The following HERC4 variants were observed in gnomAD, a reference collection of about 807,000 sequenced individuals.
HERC4 encodes the protein HECT and RLD domain containing E3 ubiquitin protein ligase 4.
In HERC4, 28 loss-of-function variants were observed where a neutral mutation model predicts 124.3. The observed-to-expected ratio is 0.23, with a 90% CI of 0.17 to 0.31. The LOEUF is 0.31. Ranked by LOEUF, HERC4 falls within the 10% of genes least tolerant of loss-of-function variation. The probability of loss-of-function intolerance (pLI) is 1.00; values close to 1 mark genes in which losing one functional copy is unlikely to be tolerated. For missense variants in HERC4, 713 were observed against 1,229.3 expected (o/e 0.58, Z 6.28); for synonymous variants, 407 against 421.5 (o/e 0.97, Z 0.42).
chr10:68,059,721 T>TATATCATA (rs1554830333), intron 3 of HERC4, among the ~76,000 whole-genome samples: 2 of 42,314 alleles, frequency 4.7e-5, no homozygotes, highest in African/African-American at 9.7e-4. Flanking sequence ...CATAATATTA[T>TATATCATA]ATATTATATA....
chr10:68,062,400 C>A (rs924012995), intron 3 of HERC4, among the ~76,000 whole-genome samples: 3 of 152,120 alleles, frequency 2.0e-5, no homozygotes, highest in Non-Finnish European at 4.4e-5. Context: ...GTTACCAAAG[C>A]CTGTCCATTC....
intron 15 of HERC4, among the ~76,000 whole-genome samples, chr10:67,975,255 G>C (rs529096764): frequency 3.3e-5 from 5 of 152,016 alleles, no homozygotes; most frequent in African/African-American, 1.2e-4. Flanking sequence ...CATTAAAGTG[G>C]ACTTCATGTA....
chr10:68,059,537 C>CATAATATATATCATA (rs1338677846), intron 3 of HERC4, among the ~76,000 whole-genome samples: 2 of 85,508 alleles, frequency 2.3e-5, no homozygotes, highest in African/African-American at 8.8e-5. Flanking sequence ...TATTATATAT[C>CATAATATATATCATA]ATATTATATA....
intron 16 of HERC4, among the ~76,000 whole-genome samples, chr10:67,963,627 C>T (rs569676399): frequency 6.6e-6 from 1 of 152,244 alleles, no homozygotes; most frequent in Non-Finnish European, 1.5e-5. Flanking sequence ...TGTAAGTGAA[C>T]ACTGGGCTTC....
At chr10:68,059,388 T>C (rs1442918820) in intron 3 of HERC4, among the ~76,000 whole-genome samples, 1 of 145,856 alleles carries the variant, frequency 6.9e-6, no homozygotes, top group Non-Finnish European at 1.5e-5. Flanking sequence ...ATATAGGTCT[T>C]GCACATTTCT....
intron 3 of HERC4, among the ~76,000 whole-genome samples, chr10:68,066,344 T>G (rs1346941291): frequency 1.3e-5 from 2 of 152,352 alleles, no homozygotes; most frequent in Non-Finnish European, 2.9e-5. Context: ...GACTGCCATC[T>G]GCAACAAGAA....
chr10:68,004,027 C>T (rs515489), intron 9 of HERC4, among the ~76,000 whole-genome samples: 137,416 of 150,024 alleles, frequency 0.92, 62,415 homozygotes, highest in Non-Finnish European at 0.94. Context: ...TGCCCTCTTT[C>T]AGATAAAAGC....
At chr10:67,970,490 G>A (rs576436222) in intron 15 of HERC4, among the ~76,000 whole-genome samples, 7 of 152,168 alleles carry the variant, frequency 4.6e-5, no homozygotes, top group East Asian at 1.9e-4. Context: ...AACTTGGGAG[G>A]CTAAAGCACG....
chr10:68,053,171 T>C (rs555440029), intron 3 of HERC4, among the ~76,000 whole-genome samples: 78 of 152,320 alleles, frequency 5.1e-4, no homozygotes, highest in Middle Eastern at 3.4e-3. Flanking sequence ...TATTGAATCA[T>C]TGCCCCCGAA....
rs74761671 is a variant in HERC4 at position 68,018,606 on chromosome 10, G to C, written c.909-4420C>G. On this transcript the variant is annotated intron_variant, in intron 8 of 24. Coordinates refer to ENST00000373700, the MANE Select transcript of HERC4 (RefSeq NM_015601.4). ...ACGTACATGAGTAAGTTATTAATAA[G>C]AGTTTAGCAAGGTGGTTGTATTTAA... Among the ~76,000 whole-genome samples, 878 of 152,250 alleles carry C rather than the reference G, an allele frequency of 5.8e-3. 39 individuals carry two copies. The East Asian group carries it at 0.1, about 18-fold the overall frequency.
chr10:67,926,416 T>TAAAAAAAAAAAAAA (rs11305276), intron 23 of HERC4, among the ~76,000 whole-genome samples: 5 of 119,410 alleles, frequency 4.2e-5, no homozygotes, highest in East Asian at 2.4e-4. Flanking sequence ...AAATAAAAAA[T>TAAAAAAAAAAAAAA]AAAAAAAAAA....
chr10:67,961,866 T>TA (rs2034544862), intron 16 of HERC4, among the ~76,000 whole-genome samples: 1 of 152,130 alleles, frequency 6.6e-6, no homozygotes, highest in South Asian at 2.1e-4. Flanking sequence ...AGAATTTCTT[T>TA]AAAAAAATTC....
intron 16 of HERC4, among the ~76,000 whole-genome samples, chr10:67,962,004 G>C (rs1026885830): frequency 3.3e-5 from 5 of 152,136 alleles, no homozygotes; most frequent in African/African-American, 1.2e-4. Context: ...AATATAAAAG[G>C]AACATCTGAA....
intron 8 of HERC4, among the ~76,000 whole-genome samples, chr10:68,023,973 A>G (rs186912819): frequency 2.4e-4 from 37 of 152,318 alleles, no homozygotes; most frequent in Admixed American, 2.0e-3. Flanking sequence ...ATCTACATTA[A>G]TATCTAAAAC....
chr10:68,064,560 CA>C (rs538756559), intron 3 of HERC4, among the ~76,000 whole-genome samples: 173 of 71,658 alleles, frequency 2.4e-3, no homozygotes, highest in South Asian at 3.5e-3. Flanking sequence ...GATTCTCTCT[CA>C]AAAAAAAAAA....
chr10:67,934,013 A>G (rs1485936766), intron 22 of HERC4, among the ~76,000 whole-genome samples: 1 of 152,230 alleles, frequency 6.6e-6, no homozygotes, highest in Admixed American at 6.5e-5. Flanking sequence ...TCTGTCCTGC[A>G]CTTCTCTGCC....
chr10:67,944,260 ACT>A (rs1345009915), intron 19 of HERC4, among the ~76,000 whole-genome samples: 1 of 152,062 alleles, frequency 6.6e-6, no homozygotes, highest in Non-Finnish European at 1.5e-5. Flanking sequence ...GCATAGAAAG[ACT>A]CTGGGAAAAA....
At position 68,073,062 on chromosome 10, in the gene HERC4, C is replaced by A; in HGVS notation, c.47G>T (p.Gly16Val). 1 of 1,613,936 alleles carries A rather than the reference C, an allele frequency of 6.2e-7. No individual in the cohort carries two copies. The highest frequency in any genetic ancestry group is 1.1e-5 in the South Asian group (1 of 91,072). Residue 16 changes from glycine (G) to valine (V), a missense_variant, in exon 3 of 25, where the codon GGA (glycine) becomes GTA (valine). Transcript: ENST00000373700. ...NASFGQLGLG[G>V]IDEEIVLEPR... is the part of the protein sequence containing the mutation. ...CTCTAGTACAATTTCTTCATCAATT[C>A]CACCCAAACCTAGCTGCCCAAAGGA...
At chr10:68,019,157 C>A (rs976593618) in intron 8 of HERC4, among the ~76,000 whole-genome samples, 15 of 151,716 alleles carry the variant, frequency 9.9e-5, no homozygotes, top group African/African-American at 3.6e-4. Flanking sequence ...CCACCACGCC[C>A]GACTAATTTT....
Sources: allele counts gnomAD v4.1 joint callset (sites outside exome capture counted in the v4.1 genomes callset), GRCh38; gene constraint gnomAD v4.1.1; transcripts MANE v1.5; gene names NCBI Gene and HGNC (gene_info 2026-07-23, HGNC 2026-07-21).